KAT6B: variants seen among roughly 807,000 people sequenced by gnomAD.
KAT6B encodes the protein histone acetyltransferase KAT6B.
In KAT6B, 10 loss-of-function variants were observed where a neutral mutation model predicts 187.5. The observed-to-expected ratio is 0.05, with a 90% CI of 0.03 to 0.09. The LOEUF is 0.09. Among genes scored for constraint, KAT6B ranks in the 10% least tolerant of loss-of-function variants. The probability of loss-of-function intolerance (pLI) is 1.00; values close to 1 mark genes in which losing one functional copy is unlikely to be tolerated. For synonymous variants in KAT6B, 861 were observed against 926.8 expected, an observed-to-expected ratio of 0.93 and a Z score of 1.29; for missense variants, 1,952 against 2,558.9, an observed-to-expected ratio of 0.76 and a Z score of 5.12.
At chr10:74,868,467 T>A (rs1015762448) in intron 3 of KAT6B, among the ~76,000 whole-genome samples, 12 of 152,236 alleles carry the variant, frequency 7.9e-5, no homozygotes, top group African/African-American at 2.9e-4. Context: ...TATGGCTCAT[T>A]TCTCTTCTCA....
chr10:74,978,979 T>TA (rs977047421), intron 9 of KAT6B, among the ~76,000 whole-genome samples: 5 of 152,212 alleles, frequency 3.3e-5, no homozygotes, highest in African/African-American at 1.2e-4. Context: ...CTGTGAATCT[T>TA]ACACAAAGGT....
chr10:74,872,322 A>G (rs1288357654), intron 3 of KAT6B, among the ~76,000 whole-genome samples: 1 of 152,252 alleles, frequency 6.6e-6, no homozygotes, highest in African/African-American at 2.4e-5. Flanking sequence ...ATTCTGCAGT[A>G]GCGTGGGCTC....
At chr10:74,843,871 T>C (rs916068749) in intron 3 of KAT6B, among the ~76,000 whole-genome samples, 6 of 152,178 alleles carry the variant, frequency 3.9e-5, no homozygotes, top group Non-Finnish European at 7.4e-5. Flanking sequence ...AGACTTCTTA[T>C]TTTACTATTA....
upstream of KAT6B, among the ~76,000 whole-genome samples, chr10:74,826,214 C>CT (rs1840204730): frequency 6.6e-6 from 1 of 151,870 alleles, no homozygotes; most frequent in African/African-American, 2.4e-5. Context: ...CGCTCCTCTG[C>CT]TGCGAGTAGA....
chr10:74,951,435 C>CT (rs5786160), intron 3 of KAT6B, among the ~76,000 whole-genome samples: 390 of 147,514 alleles, frequency 2.6e-3, no homozygotes, highest in Non-Finnish European at 3.3e-3. Flanking sequence ...CCCAGCGACC[C>CT]TTTTTTTTTT....
intron 4 of KAT6B, among the ~76,000 whole-genome samples, chr10:74,965,240 C>T (rs1841378102): frequency 6.6e-6 from 1 of 152,226 alleles, no homozygotes; most frequent in Admixed American, 6.5e-5. Context: ...TCTGTTCATG[C>T]CATCTTCCCT....
At chr10:74,885,948 GT>G (rs1237351431) in intron 3 of KAT6B, among the ~76,000 whole-genome samples, 1 of 152,140 alleles carries the variant, frequency 6.6e-6, no homozygotes, top group African/African-American at 2.4e-5. Context: ...GGCCAGGATG[GT>G]CTTGATCTCT....
In KAT6B at chr10:75,022,794, C is replaced by T. The variant is rs145971257; in HGVS notation, c.3372+563C>T. Among the ~76,000 whole-genome samples the T allele has an allele frequency of 1.3e-4, 20 of 152,216 alleles. 1 individual carries two copies. The highest frequency in any genetic ancestry group is 3.4e-3 in the Middle Eastern group (1 of 294). ...AAAAATACAAAAAATTAGCCAGACA[C>T]GGTAGTACGCGCCTGTAATCCCAGC... On this transcript the variant is annotated intron_variant, in intron 16 of 17. Coordinates refer to ENST00000287239, the MANE Select transcript of KAT6B (RefSeq NM_012330.4).
rs922758543 is a variant in KAT6B, at chr10:74,957,434, G to A, written c.622-2536G>A. On this transcript the variant is annotated intron_variant, in intron 3 of 17. Transcript: ENST00000287239. ...TATGCTTTCTATTATTGGACAGAGC[G>A]CGGGACATCAGTCTTTCTGGCCATG... Among the ~76,000 whole-genome samples the A allele has an allele frequency of 6.6e-5, 10 of 152,200 alleles. No homozygotes were observed. In the East Asian group the frequency reaches 1.2e-3, roughly 18 times the overall value.
At chr10:74,850,416 C>T (rs890323223) in intron 3 of KAT6B, among the ~76,000 whole-genome samples, 1 of 152,142 alleles carries the variant, frequency 6.6e-6, no homozygotes, top group African/African-American at 2.4e-5. Context: ...CATCATCATT[C>T]CGATGCATGA....
intron 1 of KAT6B, among the ~76,000 whole-genome samples, chr10:74,834,886 C>T (rs1455224937): frequency 6.6e-6 from 1 of 152,132 alleles, no homozygotes; most frequent in Non-Finnish European, 1.5e-5. Flanking sequence ...CTTGGTGTCC[C>T]TTTTGTTTGA....
intron 3 of KAT6B, among the ~76,000 whole-genome samples, chr10:74,872,294 G>A (rs1463668509): frequency 1.3e-5 from 2 of 152,228 alleles, no homozygotes; most frequent in Non-Finnish European, 2.9e-5. Flanking sequence ...TATAGAGGTT[G>A]CATGACAACT....
In KAT6B at chr10:75,030,173, A is replaced by T; in HGVS notation, c.5349A>T (p.Glu1783Asp). Residue 1783 changes from glutamate to aspartate, a missense_variant, in exon 18 of 18, where the codon GAA becomes GAT. Transcript: ENST00000287239. This position sits in a 1 kb window ranked among gnomAD's most constrained non-coding sequence, Gnocchi z 4.8. ...ANFTPPMQLA[E>D]IPETSNANIG... Reference sequence around the variant, plus strand: ...TCACCCCACCCATGCAGCTGGCTGAAATCCCCGAGACGAGCAACGCCAACA... The same window carrying T: ...TCACCCCACCCATGCAGCTGGCTGATATCCCCGAGACGAGCAACGCCAACA... 6.2e-7 allele frequency: 1 copy of T among 1,614,228 alleles called. No homozygotes were observed. The highest frequency in any genetic ancestry group is 8.5e-7 in the Non-Finnish European group (1 of 1,180,032).
intron 3 of KAT6B, among the ~76,000 whole-genome samples, chr10:74,921,702 C>T (rs186574728): frequency 6.6e-6 from 1 of 152,322 alleles, no homozygotes; most frequent in East Asian, 1.9e-4. Flanking sequence ...CCTTATCACT[C>T]CTGCTTACTA....
chr10:75,026,347 C>T (rs934365997), intron 17 of KAT6B, among the ~76,000 whole-genome samples: 4 of 152,128 alleles, frequency 2.6e-5, no homozygotes, highest in East Asian at 1.9e-4. Context: ...AGGTTGAGAA[C>T]GTGTGCTCCC....
At chr10:74,834,309 T>A (rs1841106977) in intron 1 of KAT6B, among the ~76,000 whole-genome samples, 1 of 151,782 alleles carries the variant, frequency 6.6e-6, no homozygotes. Context: ...GCAATTCCCC[T>A]GCCTCAGCCT....
intron 13 of KAT6B, among the ~76,000 whole-genome samples, chr10:74,992,796 G>T (rs904592951): frequency 1.3e-5 from 2 of 152,150 alleles, no homozygotes; most frequent in African/African-American, 4.8e-5. Context: ...ATTTGTCAGA[G>T]CAAGGCTCCC....
At chr10:74,988,968 G>A (rs1423125750) in intron 12 of KAT6B, 51 bp from the exon 13 acceptor site, 1 of 1,260,360 alleles carries the variant, frequency 7.9e-7, no homozygotes, top group South Asian at 1.2e-5. Flanking sequence ...GCAGGGAATT[G>A]CCCACTTCAG....
intron 13 of KAT6B, among the ~76,000 whole-genome samples, chr10:74,993,010 C>T (rs1235551489): frequency 6.6e-6 from 1 of 152,136 alleles, no homozygotes; most frequent in Non-Finnish European, 1.5e-5. Flanking sequence ...ATTTGAAAGT[C>T]TTCCCCATCT....
Sources: allele counts gnomAD v4.1 joint callset (sites outside exome capture counted in the v4.1 genomes callset), GRCh38; gene constraint gnomAD v4.1.1; non-coding constraint Gnocchi (gnomAD v3.1); transcripts MANE v1.5; gene names NCBI Gene and HGNC (gene_info 2026-07-23, HGNC 2026-07-21).